The following ATPAF2 variants were observed in gnomAD, a reference collection of about 807,000 sequenced individuals.
ATPAF2 encodes the protein ATP12 homolog.
Under a neutral mutation model 36.6 loss-of-function variants are expected in ATPAF2, and 30 were observed. The observed-to-expected ratio is 0.82, with a 90% CI of 0.61 to 1.11. The LOEUF (loss-of-function observed/expected upper bound fraction) is 1.11. Ranked by LOEUF, ATPAF2 falls within the 50% of genes most tolerant of loss-of-function variation. The pLI, the probability that ATPAF2 is intolerant of heterozygous loss-of-function variation, is 0.00. For synonymous variants in ATPAF2, 140 were observed against 152.6 expected (o/e 0.92, Z 0.61); for missense variants, 321 against 372.3 (o/e 0.86, Z 1.13).
intron 1 of ATPAF2, among the ~76,000 whole-genome samples, chr17:18,034,825 C>A (rs933407076): frequency 6.6e-6 from 1 of 152,176 alleles, no homozygotes; most frequent in Non-Finnish European, 1.5e-5. Context: ...GTAGAAACGA[C>A]CCTGTGTCCA....
At chr17:18,021,040 T>C in intron 7 of ATPAF2, 83 bp downstream of exon 7, 1 of 1,530,120 alleles carries the variant, frequency 6.5e-7, no homozygotes. Context: ...TATGCATAAC[T>C]ATATTTCAGA....
At chr17:18,038,689 G>C (rs557813147) in intron 1 of ATPAF2, among the ~76,000 whole-genome samples, 192 bp downstream of exon 1, 2 of 152,326 alleles carry the variant, frequency 1.3e-5, no homozygotes, top group African/African-American at 4.8e-5. Flanking sequence ...TATCGTGCGT[G>C]ACTCGCTGTT....
At chr17:18,026,084 C>G in intron 4 of ATPAF2, 1 of 605,126 alleles carries the variant, frequency 1.7e-6, no homozygotes, top group Non-Finnish European at 3.0e-6. Flanking sequence ...ACCCTCCCAG[C>G]CTAAGGAGCA....
At chr17:18,028,872 G>C (rs944439965) in intron 1 of ATPAF2, among the ~76,000 whole-genome samples, 4 of 152,140 alleles carry the variant, frequency 2.6e-5, no homozygotes, top group African/African-American at 9.7e-5. Flanking sequence ...GAGAAGGGAG[G>C]AACAGAACAT....
rs944983763 is a variant in ATPAF2, at chr17:18,038,740, C to T, written c.133+141G>A. On this transcript the variant is annotated intron_variant, in intron 1 of 7. Coordinates refer to ENST00000474627, the MANE Select transcript of ATPAF2 (RefSeq NM_145691.4). ...TGCCCTTGTCTGGGCTTCACTTTCTCATCTGTAAAAAGACCTGACTGGCCT... is the reference window on the plus strand; with the variant it reads ...TGCCCTTGTCTGGGCTTCACTTTCTTATCTGTAAAAAGACCTGACTGGCCT... 17 of 1,232,346 alleles carry T rather than the reference C, an allele frequency of 1.4e-5. 1 individual carries two copies. Among genetic ancestry groups the T allele is most frequent in the Admixed American group, 6.4e-5 (3 of 46,682 alleles). 76.3% of individuals were successfully genotyped at this position (1,232,346 alleles called of 1,614,324 possible).
downstream of ATPAF2, chr17:18,016,897 G>T (rs991923587): frequency 2.5e-6 from 1 of 393,518 alleles, no homozygotes; most frequent in Admixed American, 4.2e-5. Flanking sequence ...AAATCAGCTG[G>T]GTGCGGTGGT....
downstream of ATPAF2, among the ~76,000 whole-genome samples, chr17:18,017,606 T>C (rs2044403583): frequency 6.6e-6 from 1 of 152,200 alleles, no homozygotes; most frequent in South Asian, 2.1e-4. Flanking sequence ...TCTGTGACAG[T>C]ACCTCACAGT....
At chr17:18,015,393 C>T (rs1311532102), downstream of ATPAF2, 3 of 152,316 alleles carry the variant, frequency 2.0e-5, no homozygotes, top group African/African-American at 7.2e-5. Flanking sequence ...GTGGCCTTGC[C>T]CTGCTCTGGG....
At chr17:18,032,357 G>C (rs1290125852) in intron 1 of ATPAF2, among the ~76,000 whole-genome samples, 1 of 152,188 alleles carries the variant, frequency 6.6e-6, no homozygotes, top group Admixed American at 6.5e-5. Flanking sequence ...TGTTGGCCAG[G>C]CTCACTTCTG....
chr17:18,023,127 CAA>C (rs772470040), intron 5 of ATPAF2, among the ~76,000 whole-genome samples: 1,753 of 104,740 alleles, frequency 0.017, 44 homozygotes, highest in African/African-American at 0.052. Context: ...AGACTCCTTT[CAA>C]AAAAAAAAAA....
chr17:18,023,380 A>G (rs1044328756), intron 5 of ATPAF2, among the ~76,000 whole-genome samples: 5 of 152,092 alleles, frequency 3.3e-5, no homozygotes. Context: ...GTGAGCCAAG[A>G]TCGCATCACT....
chr17:18,016,283 A>C, downstream of ATPAF2: 1 of 1,367,674 alleles, frequency 7.3e-7, no homozygotes, highest in Non-Finnish European at 1.0e-6. Context: ...TAGAATTTTC[A>C]TTAAGGAATG....
downstream of ATPAF2, chr17:18,015,066 C>T (rs2044307355): frequency 6.6e-6 from 1 of 152,124 alleles, no homozygotes; most frequent in Non-Finnish European, 1.5e-5. Context: ...AGAGACAAAG[C>T]TTAAAGGGTT....
intron 1 of ATPAF2, among the ~76,000 whole-genome samples, chr17:18,038,538 T>C (rs1457084702): frequency 6.6e-6 from 1 of 152,070 alleles, no homozygotes; most frequent in Non-Finnish European, 1.5e-5. Flanking sequence ...TCTGAGAGAG[T>C]CTGCCTGTAA....
At chr17:18,029,590 T>G (rs1283766817) in intron 1 of ATPAF2, among the ~76,000 whole-genome samples, 2 of 151,882 alleles carry the variant, frequency 1.3e-5, no homozygotes, top group African/African-American at 4.8e-5. Flanking sequence ...TTTATTTATT[T>G]TATTATTATT....
chr17:18,026,125 G>A, intron 4 of ATPAF2, 194 bp downstream of exon 4: 2 of 662,718 alleles, frequency 3.0e-6, no homozygotes, highest in East Asian at 2.7e-5. Context: ...GGGTGGCCAT[G>A]TTCTGACACC....
intron 1 of ATPAF2, among the ~76,000 whole-genome samples, 183 bp downstream of exon 1, chr17:18,038,698 T>C (rs577600339): frequency 7.2e-5 from 11 of 152,348 alleles, no homozygotes; most frequent in African/African-American, 2.6e-4. Context: ...TGACTCGCTG[T>C]TCCCTCTCGG....
chr17:18,039,002 G>T lies in ATPAF2; in HGVS notation c.12C>A (p.Ser4Arg), dbSNP rs2044750513. Residue 4 changes from serine (S) to arginine (R), a missense_variant, in exon 1 of 8, where the codon AGC becomes AGA. Ser to Arg is a moderately radical substitution (Grantham distance 110, BLOSUM62 -1). This residue lies in a region of ATPAF2 where 69 missense variants were observed against 60.1 expected (regional missense o/e 1.15). Coordinates refer to ENST00000474627, the MANE Select transcript of ATPAF2 (RefSeq NM_145691.4). The surrounding 1 kb of genome is among the most constrained non-coding windows in gnomAD (Gnocchi z 5.3). ...GTCCCCCGTCCCGCAGCCGGAGGCA[G>T]CTCCTCCACATCGCGCCCGAGGGTC... The part of the protein sequence containing the change: MWR[S>R]CLRLRDGGRR... The T allele has an allele frequency of 6.2e-7, 1 of 1,607,334 alleles. No individual in the cohort carries two copies. The highest frequency in any genetic ancestry group is 8.5e-7 in the Non-Finnish European group (1 of 1,176,818).
At chr17:18,037,134 G>A (rs2044714074) in intron 1 of ATPAF2, among the ~76,000 whole-genome samples, 2 of 152,102 alleles carry the variant, frequency 1.3e-5, no homozygotes, top group South Asian at 4.2e-4. Context: ...TGCCAACTTG[G>A]TGAACTCCTG....
Sources: allele counts gnomAD v4.1 joint callset (sites outside exome capture counted in the v4.1 genomes callset), GRCh38; gene constraint gnomAD v4.1.1; regional missense constraint gnomAD v4.1.1; non-coding constraint Gnocchi (gnomAD v3.1); transcripts MANE v1.5; gene names NCBI Gene and HGNC (gene_info 2026-07-23, HGNC 2026-07-21).